The following LRMDA variants were observed in gnomAD, a reference collection of about 807,000 sequenced individuals.
LRMDA encodes the protein leucine rich melanocyte differentiation associated.
LRMDA carries 18 observed loss-of-function variants against 29.8 expected under a neutral mutation model. That is an observed-to-expected ratio of 0.60 (90% CI 0.42 to 0.90). LRMDA has a LOEUF of 0.90. LRMDA is among the 40% of genes least tolerant of loss of function. The pLI is 0.00. For synonymous variants in LRMDA, 125 were observed against 109.4 expected (o/e 1.14, Z -0.89); for missense variants, 273 against 273.9 (o/e 1.00, Z 0.02).
rs905486619 is a variant in LRMDA at position 76,261,225 on chromosome 10, C to T, written c.517-63176C>T. Among the ~76,000 whole-genome samples the T allele has an allele frequency of 5.3e-5, 8 of 151,794 alleles. No individual in the cohort carries two copies. In the East Asian group the frequency reaches 5.8e-4, roughly 11 times the overall value. ...GACTACAGGCGCCTGCCACCACGCCCGGATAATTTTTTTTTTTCTGTATTT... is the reference window on the plus strand; with the variant it reads ...GACTACAGGCGCCTGCCACCACGCCTGGATAATTTTTTTTTTTCTGTATTT... On this transcript the variant is annotated intron_variant, in intron 5 of 6. Transcript: ENST00000611255.
chr10:75,851,407 T>A (rs1275085286), intron 2 of LRMDA, among the ~76,000 whole-genome samples: 2 of 152,224 alleles, frequency 1.3e-5, no homozygotes, highest in African/African-American at 4.8e-5. Context: ...CTCTTTTTCT[T>A]TTTTTCCTCT....
intron 2 of LRMDA, among the ~76,000 whole-genome samples, chr10:75,578,833 G>GAAAA (rs138199632): frequency 7.4e-6 from 1 of 135,512 alleles, no homozygotes; most frequent in Non-Finnish European, 1.5e-5. Context: ...GATGTTCTTT[G>GAAAA]AAAAAAAAAA....
At chr10:76,279,314 A>T (rs908200445) in intron 5 of LRMDA, among the ~76,000 whole-genome samples, 2 of 152,278 alleles carry the variant, frequency 1.3e-5, no homozygotes, top group African/African-American at 4.8e-5. Context: ...TAACGAATGT[A>T]AAGTGTTTAT....
At chr10:75,984,518 G>T (rs977426354) in intron 2 of LRMDA, among the ~76,000 whole-genome samples, 1 of 152,230 alleles carries the variant, frequency 6.6e-6, no homozygotes, top group Non-Finnish European at 1.5e-5. Flanking sequence ...CACTCACAGG[G>T]CCTAAAGCGG....
intron 5 of LRMDA, among the ~76,000 whole-genome samples, chr10:76,114,915 C>T (rs918834889): frequency 2.6e-5 from 4 of 152,162 alleles, no homozygotes; most frequent in Admixed American, 1.3e-4. Context: ...AAACAGGATA[C>T]GAATGAATCA....
intron 6 of LRMDA, among the ~76,000 whole-genome samples, chr10:76,370,638 A>G (rs931557159): frequency 3.9e-5 from 6 of 152,156 alleles, no homozygotes; most frequent in African/African-American, 1.4e-4. Context: ...TATAACTTTT[A>G]TTATAGTATA....
intron 2 of LRMDA, among the ~76,000 whole-genome samples, chr10:75,828,743 C>A (rs1292389539): frequency 6.6e-6 from 1 of 152,168 alleles, no homozygotes; most frequent in East Asian, 1.9e-4. Context: ...TTTTTACATC[C>A]TAAAGTAAAT....
chr10:75,681,245 C>T (rs549216253), intron 2 of LRMDA, among the ~76,000 whole-genome samples: 1 of 152,258 alleles, frequency 6.6e-6, no homozygotes, highest in African/African-American at 2.4e-5. Flanking sequence ...ATTGATTTGG[C>T]TATGAGGAGC....
intron 2 of LRMDA, among the ~76,000 whole-genome samples, chr10:75,903,406 C>A (rs1419049985): frequency 1.3e-5 from 2 of 152,198 alleles, no homozygotes; most frequent in African/African-American, 2.4e-5. Context: ...TAGTTGATTT[C>A]ATTACTATTG....
At chr10:76,007,031 T>TGTGTGTGTGC (rs1230411095) in intron 2 of LRMDA, among the ~76,000 whole-genome samples, 369 of 26,946 alleles carry the variant, frequency 0.014, 1 homozygote, top group Non-Finnish European at 0.024. Context: ...TGTGTGTGTG[T>TGTGTGTGTGC]GCGCGTGTGT....
At chr10:75,577,403 AT>A (rs1840520539) in intron 2 of LRMDA, among the ~76,000 whole-genome samples, 1 of 152,214 alleles carries the variant, frequency 6.6e-6, no homozygotes, top group Non-Finnish European at 1.5e-5. Flanking sequence ...AAAAGACCAA[AT>A]GTACATTGAT....
chr10:75,441,568 C>G (rs1218132554), intron 2 of LRMDA, among the ~76,000 whole-genome samples: 1 of 152,188 alleles, frequency 6.6e-6, no homozygotes. Context: ...CAGAGAATTT[C>G]TCCCTGGCAG....
intron 2 of LRMDA, among the ~76,000 whole-genome samples, chr10:75,670,503 T>C (rs1048677272): frequency 5.3e-5 from 8 of 152,164 alleles, no homozygotes; most frequent in African/African-American, 1.7e-4. Flanking sequence ...TGAAGAAAAG[T>C]GAAGCAGGCT....
rs9415123 is a variant in LRMDA at position 75,857,075 on chromosome 10, A to G, written c.132-178933A>G. Among the ~76,000 whole-genome samples the G allele has an allele frequency of 4.0e-3, 605 of 152,328 alleles. 9 individuals are homozygous for G. Among genetic ancestry groups the G allele is most frequent in the Admixed American group, 0.026 (397 of 15,304 alleles). Reference sequence around the variant, plus strand: ...GAGCGATTTAAACTTACTCCCTGGCATGTGACCTCTGGCAAGTTAGCTTCT... The same window carrying G: ...GAGCGATTTAAACTTACTCCCTGGCGTGTGACCTCTGGCAAGTTAGCTTCT... On this transcript the variant is annotated intron_variant, in intron 2 of 6. Transcript: ENST00000611255.
At chr10:76,287,243 G>T (rs528536186) in intron 5 of LRMDA, among the ~76,000 whole-genome samples, 1 of 152,078 alleles carries the variant, frequency 6.6e-6, no homozygotes, top group Admixed American at 6.5e-5. Context: ...CAGCATACAG[G>T]TGGCTGTGGA....
At chr10:76,321,446 C>T (rs369485134) in intron 5 of LRMDA, among the ~76,000 whole-genome samples, 1 of 151,918 alleles carries the variant, frequency 6.6e-6, no homozygotes, top group Non-Finnish European at 1.5e-5. Context: ...AGCAACTTCT[C>T]TTATGTTTAT....
rs182418169 is a variant in LRMDA at position 76,311,977 on chromosome 10, C to T, written c.517-12424C>T. 1.3e-3 allele frequency among the ~76,000 whole-genome samples: 198 copies of T among 152,206 alleles called. 2 individuals carry two copies. Among genetic ancestry groups the T allele is most frequent in the African/African-American group, 4.5e-3 (185 of 41,530 alleles). On this transcript the variant is annotated intron_variant, in intron 5 of 6. Coordinates refer to ENST00000611255, the MANE Select transcript of LRMDA (RefSeq NM_001305581.2). Reference sequence around the variant, plus strand: ...ATGTCCCTCATGGTGGTGCAGTAACCCTCTCTGACCCCTATCCCTAGTTCA... The same window carrying T: ...ATGTCCCTCATGGTGGTGCAGTAACTCTCTCTGACCCCTATCCCTAGTTCA...
At chr10:75,519,334 A>C (rs1171574639) in intron 2 of LRMDA, among the ~76,000 whole-genome samples, 1 of 152,168 alleles carries the variant, frequency 6.6e-6, no homozygotes, top group East Asian at 1.9e-4. Context: ...GTGGGAGTCT[A>C]AGTCTCTTTG....
At chr10:76,132,986 T>G (rs1850024527) in intron 5 of LRMDA, among the ~76,000 whole-genome samples, 2 of 140,072 alleles carry the variant, frequency 1.4e-5, no homozygotes, top group African/African-American at 5.4e-5. Context: ...TTTTTTTTTT[T>G]TTTTTTTTGT....
Sources: allele counts gnomAD v4.1 joint callset (sites outside exome capture counted in the v4.1 genomes callset), GRCh38; gene constraint gnomAD v4.1.1; transcripts MANE v1.5; gene names NCBI Gene and HGNC (gene_info 2026-07-23, HGNC 2026-07-21).